DLD: variants seen among roughly 807,000 people sequenced by gnomAD.
DLD encodes the protein dihydrolipoyl dehydrogenase, mitochondrial.
A neutral mutation model predicts 62.2 loss-of-function variants in DLD; 36 were observed. That is an observed-to-expected ratio of 0.58 (90% CI 0.44 to 0.76). The LOEUF (loss-of-function observed/expected upper bound fraction) is 0.76, where lower values mean the gene tolerates loss of function less well. Ranked by LOEUF, DLD falls within the 30% of genes least tolerant of loss-of-function variation. The pLI, the probability that DLD is intolerant of heterozygous loss-of-function variation, is 0.00. For missense variants in DLD, 541 were observed against 608.6 expected (o/e 0.89, Z 1.17); for synonymous variants, 204 against 199.6 (o/e 1.02, Z -0.19).
At chr7:107,902,076 A>G (rs564714672) in intron 3 of DLD, among the ~76,000 whole-genome samples, 5 of 151,624 alleles carry the variant, frequency 3.3e-5, no homozygotes, top group African/African-American at 1.2e-4. Flanking sequence ...ATACAGTGAT[A>G]GAACTAAAAG....
intron 2 of DLD, among the ~76,000 whole-genome samples, chr7:107,898,109 A>G (rs950143114): frequency 6.6e-6 from 1 of 151,914 alleles, no homozygotes; most frequent in African/African-American, 2.4e-5. Flanking sequence ...TAAAGTATCA[A>G]CCTGATACTT....
chr7:107,913,619 A>G (rs1053002796), intron 8 of DLD, among the ~76,000 whole-genome samples: 6 of 151,954 alleles, frequency 3.9e-5, no homozygotes, highest in African/African-American at 1.4e-4. Flanking sequence ...TGTAAGTTTA[A>G]TAGTTTTTTG....
At chr7:107,892,891 G>A (rs1202576108) in intron 1 of DLD, among the ~76,000 whole-genome samples, 4 of 152,122 alleles carry the variant, frequency 2.6e-5, no homozygotes, top group Non-Finnish European at 5.9e-5. Context: ...CTAATAATTA[G>A]CCATGTTTTC....
chr7:107,900,371 A>G (rs956452775), intron 2 of DLD, among the ~76,000 whole-genome samples: 7 of 152,150 alleles, frequency 4.6e-5, no homozygotes, highest in African/African-American at 1.7e-4. Flanking sequence ...TATAGCTACT[A>G]TGTATAGAAT....
At chr7:107,903,379 A>C (rs1343565070) in intron 4 of DLD, 99 bp from the exon 5 acceptor site, 4 of 825,392 alleles carry the variant, frequency 4.8e-6, no homozygotes, top group Non-Finnish European at 7.9e-6. Context: ...ACTCCGTCTC[A>C]AAAAATGAAA....
intron 1 of DLD, 24 bp downstream of exon 1, chr7:107,891,313 G>A: frequency 2.5e-6 from 4 of 1,613,870 alleles, no homozygotes; most frequent in Non-Finnish European, 3.4e-6. Flanking sequence ...AGGTGAGGTC[G>A]TGTTGAGCCA....
Position 107,891,387 on chromosome 7 carries a change from G to GT in DLD, c.39+98_39+99insT, listed in dbSNP as rs1554396486. The stretch of plus-strand genomic sequence containing the variant: ...GCTTAACCGTGTTGGGCTGGCGGAG[G>GT]CGGGCGCCTGGGCCGCACCACCCCT... On this transcript the variant is annotated intron_variant, in intron 1 of 13. Transcript: ENST00000205402. 5 of 1,428,234 alleles carry GT rather than the reference G, an allele frequency of 3.5e-6. No homozygotes were observed. The African/African-American group carries it at 4.2e-5, about 12-fold the overall frequency. The allele number at this position is 1,428,234 out of a possible 1,614,324, so 88.5% of individuals were successfully genotyped here.
At chr7:107,895,656 G>A (rs2031702575) in intron 2 of DLD, among the ~76,000 whole-genome samples, 2 of 152,204 alleles carry the variant, frequency 1.3e-5, no homozygotes, top group East Asian at 1.9e-4. Flanking sequence ...AGTTGAGGGA[G>A]ACAAACATCC....
At position 107,905,074 on chromosome 7, in the gene DLD, T is replaced by G. The variant is rs1387343228; in HGVS notation, c.438+16T>G. On this transcript the variant is annotated intron_variant, in intron 6 of 13. Coordinates refer to ENST00000205402, the MANE Select transcript of DLD (RefSeq NM_000108.5). ...ACAGAATAAGGTCAGTGTTTAATAT[T>G]CAGATTTCTGCTTTACTTTGAATAC... The G allele has an allele frequency of 6.4e-7, 1 of 1,551,412 alleles. No homozygotes were observed. Among genetic ancestry groups the G allele is most frequent in the Admixed American group, 1.7e-5 (1 of 59,774 alleles).
chr7:107,910,025 C>G (rs2032102806), intron 8 of DLD, among the ~76,000 whole-genome samples: 1 of 151,362 alleles, frequency 6.6e-6, no homozygotes, highest in Non-Finnish European at 1.5e-5. Flanking sequence ...GATAATTTTT[C>G]TTTGTATTTT....
In DLD at chr7:107,901,652, C is replaced by T. The variant is rs576922253; in HGVS notation, c.119-86C>T. 141 of 1,064,766 alleles carry T rather than the reference C, an allele frequency of 1.3e-4. 1 individual carries two copies. In the South Asian group the frequency reaches 1.6e-3, roughly 12 times the overall value. The allele number at this position is 1,064,766 out of a possible 1,614,324, so 66.0% of individuals were successfully genotyped here. A position where few individuals can be genotyped will look rare whatever the true frequency, so the allele number is the denominator to read the frequency against. On this transcript the variant is annotated intron_variant, in intron 2 of 13. Coordinates refer to ENST00000205402, the MANE Select transcript of DLD (RefSeq NM_000108.5). ...TTTGTACTGTAAGAGGTTTAAGTAT[C>T]GGGTTATTTGTTTGCTCTTCCAAAG...
At chr7:107,916,543 G>T (rs1032057649) in intron 9 of DLD, among the ~76,000 whole-genome samples, 2 of 151,858 alleles carry the variant, frequency 1.3e-5, no homozygotes, top group Non-Finnish European at 2.9e-5. Context: ...GTGGTGGCGC[G>T]TGCCTGTAGT....
chr7:107,915,049 C>G (rs1419125737), intron 8 of DLD, among the ~76,000 whole-genome samples: 1 of 152,168 alleles, frequency 6.6e-6, no homozygotes, highest in African/African-American at 2.4e-5. Flanking sequence ...TGCCTCACTC[C>G]TTCAAGTTTT....
rs1584473509 is a variant in DLD, at chr7:107,917,519, G to A, written c.1236+57G>A. 12 of 1,519,918 alleles carry A rather than the reference G, an allele frequency of 7.9e-6. No individual in the cohort carries two copies. The East Asian group carries it at 2.3e-4, about 29-fold the overall frequency. 94.2% of individuals were successfully genotyped at this position (1,519,918 alleles called of 1,614,324 possible). A position where few individuals can be genotyped will look rare whatever the true frequency, so the allele number is the denominator to read the frequency against. ...TGTGTGAGTTGTGCCAATGACATTGGTGGTTGAGAAACAGCATTTTATCAT... is the reference window on the plus strand; with the variant it reads ...TGTGTGAGTTGTGCCAATGACATTGATGGTTGAGAAACAGCATTTTATCAT... On this transcript the variant is annotated intron_variant, in intron 11 of 13. Transcript: ENST00000205402.
intron 8 of DLD, among the ~76,000 whole-genome samples, chr7:107,913,413 TGTTTTTTA>T (rs551709250): frequency 1.9e-4 from 29 of 152,182 alleles, no homozygotes; most frequent in African/African-American, 6.0e-4. Context: ...GTTTCATCAG[TGTTTTTTA>T]GTTTTTTATT....
intron 8 of DLD, among the ~76,000 whole-genome samples, chr7:107,908,628 G>T (rs2032066138): frequency 2.0e-5 from 3 of 150,264 alleles, no homozygotes; most frequent in African/African-American, 7.3e-5. Flanking sequence ...GGTCATGCCA[G>T]TGCACTCCAT....
chr7:107,899,311 C>A (rs2031816029), intron 2 of DLD, among the ~76,000 whole-genome samples: 2 of 149,958 alleles, frequency 1.3e-5, no homozygotes, highest in South Asian at 2.1e-4. Flanking sequence ...TGGAATATTA[C>A]ATCTAGTATG....
intron 5 of DLD, 130 bp from the exon 6 acceptor site, chr7:107,904,828 T>C: frequency 2.8e-6 from 2 of 710,226 alleles, no homozygotes; most frequent in South Asian, 1.5e-5. Context: ...TTATAAGTTA[T>C]TACATTTTGA....
rs1180101315 is a variant in DLD at position 107,891,569 on chromosome 7, C to T, written c.39+280C>T. On this transcript the variant is annotated intron_variant, in intron 1 of 13. Coordinates refer to ENST00000205402, the MANE Select transcript of DLD (RefSeq NM_000108.5). ...ACATGCCACACCCCCAAGCCTGGGC[C>T]GAGGGCCATCCCGGTCACACATAGG... 12 of 580,320 alleles carry T rather than the reference C, an allele frequency of 2.1e-5. No homozygotes were observed. In the Admixed American group the frequency reaches 3.6e-4, roughly 18 times the overall value. 35.9% of individuals were successfully genotyped at this position (580,320 alleles called of 1,614,324 possible). A position where few individuals can be genotyped will look rare whatever the true frequency, so the allele number is the denominator to read the frequency against.
Sources: allele counts gnomAD v4.1 joint callset (sites outside exome capture counted in the v4.1 genomes callset), GRCh38; gene constraint gnomAD v4.1.1; transcripts MANE v1.5; gene names NCBI Gene and HGNC (gene_info 2026-07-23, HGNC 2026-07-21).